The following CD96 variants were observed in gnomAD, a reference collection of about 807,000 sequenced individuals.
CD96 encodes T-cell surface protein tactile.
Under a neutral mutation model 71.3 loss-of-function variants are expected in CD96, and 70 were observed. The observed-to-expected ratio is 0.98, with a 90% confidence interval of 0.81 to 1.20. CD96 has a LOEUF of 1.20. CD96 is among the 50% of genes most tolerant of loss of function. The probability of loss-of-function intolerance (pLI) is 0.00; values close to 1 mark genes in which losing one functional copy is unlikely to be tolerated. For missense variants in CD96, 742 were observed against 677.5 expected, an observed-to-expected ratio of 1.10 and a Z score of -1.06; for synonymous variants, 248 against 233.0, an observed-to-expected ratio of 1.06 and a Z score of -0.59.
intron 10 of CD96, chr3:111,635,206 G>T (rs554729450): frequency 3.9e-5 from 6 of 152,882 alleles, no homozygotes; most frequent in African/African-American, 1.4e-4. Context: ...TTCTGGTCTT[G>T]AAAGTTTACC....
intron 3 of CD96, among the ~76,000 whole-genome samples, chr3:111,573,875 G>A (rs1441267275): frequency 1.3e-5 from 2 of 152,126 alleles, no homozygotes; most frequent in African/African-American, 4.8e-5. Context: ...TTACCTGATG[G>A]CAGCTGATTC....
chr3:111,618,670 C>T (rs185119958), intron 8 of CD96, among the ~76,000 whole-genome samples: 4 of 150,870 alleles, frequency 2.7e-5, no homozygotes, highest in South Asian at 2.1e-4. Context: ...CTGCAAGCTC[C>T]GCCTCCCAGG....
intron 8 of CD96, among the ~76,000 whole-genome samples, chr3:111,614,636 A>T (rs775287491): frequency 6.6e-6 from 1 of 151,882 alleles, no homozygotes; most frequent in Non-Finnish European, 1.5e-5. Flanking sequence ...TTTTCATGGC[A>T]CCCTATTATG....
At chr3:111,550,120 CAAA>C (rs1934620006) in intron 2 of CD96, among the ~76,000 whole-genome samples, 1 of 151,966 alleles carries the variant, frequency 6.6e-6, no homozygotes, top group South Asian at 2.1e-4. Flanking sequence ...AATTGGGTCA[CAAA>C]AACCTGGAAA....
At chr3:111,607,508 G>T (rs1365928141) in intron 8 of CD96, among the ~76,000 whole-genome samples, 1 of 152,150 alleles carries the variant, frequency 6.6e-6, no homozygotes, top group Non-Finnish European at 1.5e-5. Flanking sequence ...TGGCTTTTGT[G>T]TCTAACAAAG....
intron 7 of CD96, among the ~76,000 whole-genome samples, chr3:111,602,712 C>T (rs1576375944): frequency 6.6e-6 from 1 of 152,082 alleles, no homozygotes; most frequent in Non-Finnish European, 1.5e-5. Flanking sequence ...TTATGAACTC[C>T]GGAGTAAACT....
chr3:111,657,084 G>GA (rs1358952016), downstream of CD96, among the ~76,000 whole-genome samples: 1 of 151,872 alleles, frequency 6.6e-6, no homozygotes, highest in African/African-American at 2.4e-5. Flanking sequence ...CACTGAAAGA[G>GA]AAAAAAGAAA....
chr3:111,592,564 T>C (rs1200127328), intron 5 of CD96, among the ~76,000 whole-genome samples: 1 of 151,434 alleles, frequency 6.6e-6, no homozygotes, highest in Middle Eastern at 3.2e-3. Context: ...AAATTTTCCC[T>C]AGAGCACTGT....
At chr3:111,546,636 G>T (rs1377344300) in intron 2 of CD96, among the ~76,000 whole-genome samples, 2 of 152,002 alleles carry the variant, frequency 1.3e-5, no homozygotes. Flanking sequence ...AAATGCACTG[G>T]CAGTGGACTG....
intron 2 of CD96, among the ~76,000 whole-genome samples, chr3:111,551,338 G>C (rs1044672123): frequency 6.6e-6 from 1 of 152,120 alleles, no homozygotes; most frequent in African/African-American, 2.4e-5. Context: ...TCATCTGCAT[G>C]GTCACTGAAA....
intron 14 of CD96, among the ~76,000 whole-genome samples, chr3:111,664,563 G>T (rs1230758602): frequency 6.6e-6 from 1 of 152,118 alleles, no homozygotes; most frequent in African/African-American, 2.4e-5. Context: ...CAAGTACCAT[G>T]CTCACTACCT....
chr3:111,656,667 T>C (rs1940237545), downstream of CD96, among the ~76,000 whole-genome samples: 1 of 152,102 alleles, frequency 6.6e-6, no homozygotes, highest in Non-Finnish European at 1.5e-5. Flanking sequence ...AGAGTTAATG[T>C]GCAGTTGTAA....
At chr3:111,598,334 T>C (rs1937349819) in intron 6 of CD96, 124 bp downstream of exon 6, 1 of 695,286 alleles carries the variant, frequency 1.4e-6, no homozygotes, top group South Asian at 1.5e-5. Flanking sequence ...AAGAAAAACA[T>C]CATTCTGCCT....
intron 7 of CD96, among the ~76,000 whole-genome samples, chr3:111,601,834 C>T (rs1937507872): frequency 6.6e-6 from 1 of 152,128 alleles, no homozygotes; most frequent in Non-Finnish European, 1.5e-5. Context: ...GGGTTCTGTC[C>T]AGCTCCTTCA....
chr3:111,594,176 T>C (rs1937144071), intron 5 of CD96: 1 of 1,599,494 alleles, frequency 6.3e-7, no homozygotes, highest in Non-Finnish European at 8.5e-7. Flanking sequence ...TGTTCCCTCC[T>C]CTTCCTCGTC....
intron 8 of CD96, among the ~76,000 whole-genome samples, chr3:111,620,060 T>A (rs764388566): frequency 6.6e-6 from 1 of 152,216 alleles, no homozygotes; most frequent in Non-Finnish European, 1.5e-5. Context: ...ATCCATGACA[T>A]GTGAGACCAC....
At chr3:111,661,863 C>G (rs1335341752) in intron 14 of CD96, among the ~76,000 whole-genome samples, 1 of 152,212 alleles carries the variant, frequency 6.6e-6, no homozygotes, top group Non-Finnish European at 1.5e-5. Flanking sequence ...GCCTGGAGAA[C>G]AGTAGCCCTC....
intron 14 of CD96, among the ~76,000 whole-genome samples, chr3:111,660,932 T>G (rs979237216): frequency 6.6e-6 from 1 of 152,164 alleles, no homozygotes; most frequent in African/African-American, 2.4e-5. Context: ...ATCTAGGAAA[T>G]ACTATTGATG....
rs770994859 is a variant in CD96, at chr3:111,624,412, A to G, written c.1321+8A>G. 17 of 1,567,910 alleles carry G rather than the reference A, an allele frequency of 1.1e-5. No homozygotes were observed. The East Asian group carries it at 3.6e-4, about 33-fold the overall frequency. ...GGACAGATACCAAAAAATGTTAAGT[A>G]TAATCGTGGGTCCCTTGAGTCCTCT... On this transcript the variant is annotated splice_region_variant and intron_variant, in intron 10 of 13. Coordinates refer to ENST00000352690, the MANE Select transcript of CD96 (RefSeq NM_005816.5).
Sources: allele counts gnomAD v4.1 joint callset (sites outside exome capture counted in the v4.1 genomes callset), GRCh38; gene constraint gnomAD v4.1.1; transcripts MANE v1.5; gene names NCBI Gene and HGNC (gene_info 2026-07-23, HGNC 2026-07-21).